NUP188: variants seen among roughly 807,000 people sequenced by gnomAD.
The protein encoded by NUP188 is nucleoporin NUP188.
Under a neutral mutation model 223.0 loss-of-function variants are expected in NUP188, and 97 were observed. That is an observed-to-expected ratio of 0.43 (90% CI 0.37 to 0.51). NUP188 has a LOEUF of 0.51. NUP188 is among the 20% of genes least tolerant of loss of function. The pLI, the probability that NUP188 is intolerant of heterozygous loss-of-function variation, is 0.00. For missense variants in NUP188, 1,947 were observed against 2,175.6 expected (o/e 0.89, Z 2.09); for synonymous variants, 869 against 828.0 (o/e 1.05, Z -0.85).
intron 12 of NUP188, among the ~76,000 whole-genome samples, chr9:128,974,773 C>CTT (rs766492542): frequency 2.5e-4 from 35 of 141,504 alleles, no homozygotes; most frequent in South Asian, 1.6e-3. Flanking sequence ...AACATTGTCT[C>CTT]TTTTTTTTTT....
At chr9:128,999,469 T>C (rs908865432) in intron 33 of NUP188, 152 bp downstream of exon 33, 30 of 1,232,506 alleles carry the variant, frequency 2.4e-5, no homozygotes, top group Non-Finnish European at 3.3e-5. Flanking sequence ...GCTATTTTTT[T>C]CCCTCATGTG....
intron 2 of NUP188, among the ~76,000 whole-genome samples, chr9:128,950,605 C>T (rs1841769232): frequency 1.3e-5 from 2 of 152,070 alleles, no homozygotes; most frequent in Non-Finnish European, 2.9e-5. Context: ...CTTTGGAAGG[C>T]CAAGGCAGAA....
chr9:128,960,227 C>T lies in NUP188; in HGVS notation c.585+1093C>T, dbSNP rs531931858. On this transcript the variant is annotated intron_variant, in intron 8 of 43. Coordinates refer to ENST00000372577, the MANE Select transcript of NUP188 (RefSeq NM_015354.3). ...TACAGGTGCCCGCCACCACGCCCAG[C>T]TAATTTTTTGTTTTTGTTTTTTTTG... Among the ~76,000 whole-genome samples the T allele has an allele frequency of 2.6e-5, 4 of 151,266 alleles. No individual in the cohort carries two copies. In the South Asian group the frequency reaches 8.4e-4, roughly 32 times the overall value.
chr9:128,949,875 T>A (rs2131133621), intron 2 of NUP188, among the ~76,000 whole-genome samples: 1 of 151,616 alleles, frequency 6.6e-6, no homozygotes, highest in African/African-American at 2.4e-5. Flanking sequence ...GTGATCTACT[T>A]GCCTTGGCAT....
chr9:128,961,200 C>T (rs1588271528), intron 8 of NUP188, among the ~76,000 whole-genome samples: 1 of 151,042 alleles, frequency 6.6e-6, no homozygotes, highest in African/African-American at 2.4e-5. Flanking sequence ...CATGGTGGTG[C>T]GTGCCTGTAA....
At position 129,000,899 on chromosome 9, in the gene NUP188, G is replaced by A. The variant is rs1349523515; in HGVS notation, c.3844-630G>A. ...GAAAAATACAAAAAATTAGCCGGGC[G>A]TGGTGGCGGGCACCTGTAGTCCCAG... On this transcript the variant is annotated intron_variant, in intron 34 of 43. Coordinates refer to ENST00000372577, the MANE Select transcript of NUP188 (RefSeq NM_015354.3). Among the ~76,000 whole-genome samples, 7 of 151,942 alleles carry A rather than the reference G, an allele frequency of 4.6e-5. No individual in the cohort carries two copies. In the East Asian group the frequency reaches 9.9e-4, roughly 22 times the overall value.
intron 25 of NUP188, among the ~76,000 whole-genome samples, chr9:128,992,014 C>T (rs374480707): frequency 2.7e-5 from 4 of 146,478 alleles, no homozygotes; most frequent in East Asian, 4.2e-4. Flanking sequence ...TTCAGCCATT[C>T]TCCTGCCTTA....
At chr9:128,994,474 A>G (rs907375283) in intron 28 of NUP188, 32 bp downstream of exon 28, 1 of 1,504,500 alleles carries the variant, frequency 6.6e-7, no homozygotes. Flanking sequence ...GATGGTGGCT[A>G]CAAGTCCCTT....
intron 8 of NUP188, among the ~76,000 whole-genome samples, chr9:128,966,725 C>T (rs1436744905): frequency 6.6e-6 from 1 of 152,092 alleles, no homozygotes; most frequent in Non-Finnish European, 1.5e-5. Context: ...AATTTACTGT[C>T]TCATGTTTTA....
rs1842576706 is a variant in NUP188 at position 128,998,732 on chromosome 9, T to C, written c.3515+109T>C. Reference sequence around the variant, plus strand: ...GGGTGGAAGCTGGGCTGGTTTTCCATCTTGAGGAATGGGAGTGACATAGCA... The same window carrying C: ...GGGTGGAAGCTGGGCTGGTTTTCCACCTTGAGGAATGGGAGTGACATAGCA... On this transcript the variant is annotated intron_variant, in intron 32 of 43. Transcript: ENST00000372577. 21 of 843,098 alleles carry C rather than the reference T, an allele frequency of 2.5e-5. No homozygotes were observed. In the South Asian group the frequency reaches 2.9e-4, roughly 11 times the overall value. The allele number at this position is 843,098 out of a possible 1,614,324, so 52.2% of individuals were successfully genotyped here.
intron 25 of NUP188, among the ~76,000 whole-genome samples, chr9:128,991,384 C>G (rs1842427736): frequency 1.3e-5 from 2 of 151,612 alleles, no homozygotes; most frequent in East Asian, 3.9e-4. Flanking sequence ...CTAAAAATAC[C>G]AAAATTAGCT....
intron 15 of NUP188, among the ~76,000 whole-genome samples, 171 bp from the exon 16 acceptor site, chr9:128,982,378 C>T (rs564530812): frequency 8.3e-5 from 12 of 144,634 alleles, no homozygotes; most frequent in East Asian, 6.4e-4. Flanking sequence ...TGCAGCGAGC[C>T]GAGATCGCGC....
chr9:129,001,433 C>T lies in NUP188; in HGVS notation c.3844-96C>T, dbSNP rs1842663892. On this transcript the variant is annotated intron_variant, in intron 34 of 43. Coordinates refer to ENST00000372577, the MANE Select transcript of NUP188 (RefSeq NM_015354.3). ...AAGCTCACTTAGCAATGTGTGTAAC[C>T]AAGCAGGTCTTGGGCAACCAGGCCC... 6 of 1,092,278 alleles carry T rather than the reference C, an allele frequency of 5.5e-6. No homozygotes were observed. In the East Asian group the frequency reaches 7.1e-5, roughly 13 times the overall value. The allele number at this position is 1,092,278 out of a possible 1,614,324, so 67.7% of individuals were successfully genotyped here.
intron 6 of NUP188, among the ~76,000 whole-genome samples, chr9:128,958,381 C>G (rs1331304248): frequency 6.6e-6 from 1 of 152,096 alleles, no homozygotes; most frequent in East Asian, 1.9e-4. Flanking sequence ...CACTTAGGAT[C>G]TCGTGTTAAA....
rs145347008 is a variant in NUP188, at chr9:128,961,480, C to G, written c.585+2346C>G. Among the ~76,000 whole-genome samples, 152 of 152,018 alleles carry G rather than the reference C, an allele frequency of 1.0e-3. 1 individual carries two copies. The Middle Eastern group carries it at 0.01, about 10-fold the overall frequency. On this transcript the variant is annotated intron_variant, in intron 8 of 43. Coordinates refer to ENST00000372577, the MANE Select transcript of NUP188 (RefSeq NM_015354.3). ...TGAGCCGAGATGACGCCAGTGCACT[C>G]TGGCCTGTGCAACAGAGCAATCTCT...
At chr9:128,993,171 A>T (rs766478202) in intron 25 of NUP188, 26 bp from the exon 26 acceptor site, 1 of 1,596,244 alleles carries the variant, frequency 6.3e-7, no homozygotes, top group South Asian at 1.1e-5. Flanking sequence ...CAGAGCTCTA[A>T]GCCTGTGTGT....
rs991583255 is a variant in NUP188 at position 129,006,557 on chromosome 9, CT to C, written c.5130del (p.Ala1711ProfsTer26). ...RYFRRGAPSS[P>X]ATGVLPSPQG... ...TTCCGCCGGGGAGCCCCCAGCTCCC[CT>C]GCCACTGGTGTCCTCCCCTCGCCGC... On this transcript the variant is annotated frameshift_variant, in exon 44 of 44. Transcript: ENST00000372577. LOFTEE classifies it high-confidence loss of function. 1 of 1,614,112 alleles carries C rather than the reference CT, an allele frequency of 6.2e-7. No homozygotes were observed. The highest frequency in any genetic ancestry group is 8.5e-7 in the Non-Finnish European group (1 of 1,180,048).
chr9:128,957,072 C>T (rs1210444409), intron 5 of NUP188, 40 bp downstream of exon 5: 8 of 1,397,896 alleles, frequency 5.7e-6, no homozygotes, highest in African/African-American at 1.4e-5. Flanking sequence ...TGCCTTTATC[C>T]TTTTTCCCTG....
rs150079523 is a variant in NUP188, at chr9:129,001,145, G to C, written c.3844-384G>C. Among the ~76,000 whole-genome samples the C allele has an allele frequency of 3.3e-3, 500 of 152,258 alleles. 5 individuals are homozygous for C. The highest frequency in any genetic ancestry group is 6.1e-3 in the Admixed American group (93 of 15,290). On this transcript the variant is annotated intron_variant, in intron 34 of 43. Transcript: ENST00000372577. ...GAGCAGGATTATTTAGGAGATGGTT[G>C]CAGTAGCAGAGCAGGAGGTGGCATC...
Sources: allele counts gnomAD v4.1 joint callset (sites outside exome capture counted in the v4.1 genomes callset), GRCh38; gene constraint gnomAD v4.1.1; transcripts MANE v1.5; gene names NCBI Gene and HGNC (gene_info 2026-07-23, HGNC 2026-07-21).